PARP11: variants seen among roughly 807,000 people sequenced by gnomAD.
PARP11 encodes the protein protein mono-ADP-ribosyltransferase PARP11.
PARP11 carries 31 observed loss-of-function variants against 42.9 expected under a neutral mutation model. The ratio of observed to expected loss-of-function variants is 0.72; its 90% CI spans 0.54 to 0.98. The LOEUF is 0.98. Ranked by LOEUF, PARP11 falls within the 50% of genes least tolerant of loss-of-function variation. PARP11 has a pLI of 0.00. For missense variants in PARP11, 365 were observed against 413.1 expected, an observed-to-expected ratio of 0.88 and a Z score of 1.01; for synonymous variants, 137 against 127.3, an observed-to-expected ratio of 1.08 and a Z score of -0.51.
intron 6 of PARP11, among the ~76,000 whole-genome samples, chr12:3,818,936 T>C (rs1286627110): frequency 6.6e-6 from 1 of 152,216 alleles, no homozygotes; most frequent in Non-Finnish European, 1.5e-5. Context: ...CCCTCTTCTT[T>C]TCTTAATGTA....
intron 1 of PARP11, among the ~76,000 whole-genome samples, chr12:3,836,304 T>C (rs1407516286): frequency 6.6e-6 from 1 of 151,432 alleles, no homozygotes; most frequent in Non-Finnish European, 1.5e-5. Context: ...TTAGGAGACA[T>C]CATTCTCAAA....
chr12:3,856,899 C>T (rs568032249), intron 1 of PARP11, among the ~76,000 whole-genome samples: 1 of 152,238 alleles, frequency 6.6e-6, no homozygotes, highest in East Asian at 1.9e-4. Flanking sequence ...CAATGATAGA[C>T]TGGATTAAGA....
At chr12:3,815,053 T>C (rs1475665471) in intron 6 of PARP11, 1 of 456,674 alleles carries the variant, frequency 2.2e-6, no homozygotes, top group Admixed American at 2.3e-5. Flanking sequence ...TTCACCTGTA[T>C]CTGTGTGAAG....
intron 4 of PARP11, among the ~76,000 whole-genome samples, chr12:3,823,214 T>C (rs1484093573): frequency 6.6e-6 from 1 of 152,248 alleles, no homozygotes; most frequent in Non-Finnish European, 1.5e-5. Flanking sequence ...AAAATTAATA[T>C]GTGTGAAGAA....
intron 1 of PARP11, among the ~76,000 whole-genome samples, chr12:3,836,476 A>C (rs935515427): frequency 1.3e-5 from 2 of 152,232 alleles, no homozygotes; most frequent in South Asian, 2.1e-4. Context: ...AGAAATAATA[A>C]AGGAAGTTTA....
At chr12:3,826,262 G>A in intron 3 of PARP11, 29 bp from the exon 4 acceptor site, 2 of 1,476,428 alleles carry the variant, frequency 1.4e-6, no homozygotes, top group Non-Finnish European at 1.8e-6. Context: ...TATTAGATAA[G>A]TCATAAAAGT....
chr12:3,838,926 A>G (rs1456403105), intron 1 of PARP11, among the ~76,000 whole-genome samples: 1 of 151,816 alleles, frequency 6.6e-6, no homozygotes, highest in East Asian at 1.9e-4. Context: ...CTCGCTTCAC[A>G]CCGGTACAGA....
rs1278403229 is a variant in PARP11 at position 3,821,910 on chromosome 12, T to C, written c.511A>G (p.Arg171Gly). Residue 171 changes from arginine (R) to glycine (G), a missense_variant, in exon 6 of 8, where the codon AGA (arginine) becomes GGA (glycine). Arg to Gly is a moderately radical substitution (Grantham distance 125). Transcript: ENST00000228820. Reference protein sequence around the residue: ...MDRNRIKRIQRIQNLDLWEFF... With the variant: ...MDRNRIKRIQGIQNLDLWEFF... ...TCCCACAAATCTAGGTTTTGAATTC[T>C]CTGAATTCTTTTAATTCGGTTGCGA... 1 of 1,608,840 alleles carries C rather than the reference T, an allele frequency of 6.2e-7. No individual in the cohort carries two copies. Among genetic ancestry groups the C allele is most frequent in the African/African-American group, 1.3e-5 (1 of 74,502 alleles).
At chr12:3,828,288 C>T (rs983674912) in intron 3 of PARP11, among the ~76,000 whole-genome samples, 1 of 152,182 alleles carries the variant, frequency 6.6e-6, no homozygotes, top group Non-Finnish European at 1.5e-5. Flanking sequence ...GTGGCTCACG[C>T]CTGTAATCCC....
intron 1 of PARP11, chr12:3,872,724 G>A: frequency 1.0e-6 from 1 of 985,292 alleles, no homozygotes; most frequent in South Asian, 4.7e-5. Context: ...GGACTGGCAG[G>A]TAAACCTGAG....
intron 1 of PARP11, among the ~76,000 whole-genome samples, chr12:3,833,141 G>A (rs914832727): frequency 2.2e-4 from 34 of 152,144 alleles, no homozygotes; most frequent in Admixed American, 6.5e-4. Flanking sequence ...AATTTATTTT[G>A]TTAGCATGAG....
chr12:3,854,225 A>G (rs1276603294), intron 1 of PARP11, among the ~76,000 whole-genome samples: 1 of 152,206 alleles, frequency 6.6e-6, no homozygotes, highest in Non-Finnish European at 1.5e-5. Flanking sequence ...AATTAAAAGA[A>G]CTACAGAAGC....
intron 1 of PARP11, among the ~76,000 whole-genome samples, chr12:3,849,141 T>C (rs1948050451): frequency 6.6e-6 from 1 of 151,978 alleles, no homozygotes; most frequent in Non-Finnish European, 1.5e-5. Flanking sequence ...AAATAGCTTT[T>C]ATAAAAAGAC....
chr12:3,830,109 G>C, intron 1 of PARP11, 91 bp from the exon 2 acceptor site: 1 of 1,151,938 alleles, frequency 8.7e-7, no homozygotes, highest in South Asian at 1.5e-5. Flanking sequence ...ACAAAGAGTG[G>C]TATTCAAGTG....
chr12:3,840,765 C>T lies in PARP11; in HGVS notation c.19-10747G>A, dbSNP rs1163754615. ...AGTTGGATAAAAGACCCGAACCAAG[C>T]ATATTGGAGAATATTACTGATGATA... On this transcript the variant is annotated intron_variant, in intron 1 of 7. Transcript: ENST00000228820. The surrounding 1 kb of genome is among the most constrained non-coding windows in gnomAD (Gnocchi z 4.4). 4.9e-5 allele frequency: 72 copies of T among 1,484,096 alleles called. No individual in the cohort carries two copies. The highest frequency in any genetic ancestry group is 6.4e-5 in the Non-Finnish European group (68 of 1,061,486). 91.9% of individuals were successfully genotyped at this position (1,484,096 alleles called of 1,614,324 possible). A position where few individuals can be genotyped will look rare whatever the true frequency, so the allele number is the denominator to read the frequency against.
rs372042761 is a variant in PARP11, at chr12:3,849,533, A to G, written c.19-19515T>C. ...GGATGAAATGAGAATTCGTTATGTCAAGTAAAATAAGCCAAGCACGGAAAG... is the reference window on the plus strand; with the variant it reads ...GGATGAAATGAGAATTCGTTATGTCGAGTAAAATAAGCCAAGCACGGAAAG... On this transcript the variant is annotated intron_variant, in intron 1 of 7. Transcript: ENST00000228820. Among the ~76,000 whole-genome samples the G allele has an allele frequency of 1.2e-4, 19 of 152,316 alleles. No individual in the cohort carries two copies. In the South Asian group the frequency reaches 3.7e-3, roughly 30 times the overall value.
chr12:3,843,069 G>A (rs374892752), intron 1 of PARP11, among the ~76,000 whole-genome samples: 27 of 152,090 alleles, frequency 1.8e-4, no homozygotes, highest in African/African-American at 5.3e-4. Context: ...CTTTCATCTC[G>A]ATATCTGTCA....
intron 7 of PARP11, among the ~76,000 whole-genome samples, chr12:3,813,388 A>G (rs1947222108): frequency 6.6e-6 from 1 of 152,248 alleles, no homozygotes; most frequent in Non-Finnish European, 1.5e-5. Flanking sequence ...TTACTGGCTC[A>G]CTGCCTACAC....
chr12:3,838,712 A>T (rs1273492746), intron 1 of PARP11, among the ~76,000 whole-genome samples: 1 of 152,268 alleles, frequency 6.6e-6, no homozygotes, highest in African/African-American at 2.4e-5. Context: ...TCTTAGTCTT[A>T]GCAAGGCTAA....
Sources: gnomAD v4.1 joint callset for allele counts (sites outside exome capture counted in the v4.1 genomes callset) on GRCh38, gnomAD v4.1.1 for gene constraint, Gnocchi (gnomAD v3.1) non-coding constraint, MANE v1.5 for transcripts, NCBI Gene and HGNC (gene_info 2026-07-23, HGNC 2026-07-21) for gene names.